HSPBAP1: variants seen among roughly 807,000 people sequenced by gnomAD.
HSPBAP1 encodes HSPB1-associated protein 1.
In HSPBAP1, 27 loss-of-function variants were observed where a neutral mutation model predicts 45.2. That is an observed-to-expected ratio of 0.60 (90% CI 0.44 to 0.82). The LOEUF (loss-of-function observed/expected upper bound fraction) is 0.82. Ranked by LOEUF, HSPBAP1 falls within the 40% of genes least tolerant of loss-of-function variation. The pLI is 0.00. For synonymous variants in HSPBAP1, 204 were observed against 202.7 expected (o/e 1.01, Z -0.06); for missense variants, 510 against 590.9 (o/e 0.86, Z 1.42).
At chr3:122,747,572 G>T (rs1364059541) in intron 6 of HSPBAP1, among the ~76,000 whole-genome samples, 155 of 127,326 alleles carry the variant, frequency 1.2e-3, no homozygotes, top group Non-Finnish European at 1.5e-3. Flanking sequence ...CGCCCCGTCC[G>T]GGAGGGAGGT....
At chr3:122,782,430 G>A (rs1560165700) in intron 1 of HSPBAP1, among the ~76,000 whole-genome samples, 1 of 152,020 alleles carries the variant, frequency 6.6e-6, no homozygotes, top group Non-Finnish European at 1.5e-5. Context: ...ATTAACCTTG[G>A]ATAGGATAGT....
Position 122,741,003 on chromosome 3 carries a change from C to T in HSPBAP1, c.936G>A (p.Glu312=). The T allele has an allele frequency of 1.2e-6, 2 of 1,613,334 alleles. No homozygotes were observed. The highest frequency in any genetic ancestry group is 1.7e-6 in the Non-Finnish European group (2 of 1,179,236). ...QNTRAWLNPT[E]VEETSHAVNC... Reference sequence around the variant, plus strand: ...ATGATGAAGACCAGAAGCCGCCTACCTCAGTGGGGTTTAACCAGGCTCTGG... The same window carrying T: ...ATGATGAAGACCAGAAGCCGCCTACTTCAGTGGGGTTTAACCAGGCTCTGG... Residue 312 remains glutamate (E), a splice_region_variant and synonymous_variant, in exon 7 of 8, where the codon GAG becomes GAA. Transcript: ENST00000306103.
In HSPBAP1 at chr3:122,740,773, G is replaced by A. The variant is rs763037747; in HGVS notation, c.1039C>T (p.Leu347=). 16 of 1,614,068 alleles carry A rather than the reference G, an allele frequency of 9.9e-6. 1 individual carries two copies. The South Asian group carries it at 1.6e-4, about 17-fold the overall frequency. ...RTSEVVEIQA[L]RTDGEHMKKE... ...TTCATGTGCTCTCCATCTGTTCTCA[G>A]TGCTTGGATTTCTACTACCTCAGAT... Residue 347 remains leucine, a synonymous_variant, in exon 8 of 8, where the codon CTG becomes TTG. Coordinates refer to ENST00000306103, the MANE Select transcript of HSPBAP1 (RefSeq NM_024610.6).
intron 1 of HSPBAP1, among the ~76,000 whole-genome samples, chr3:122,780,499 G>C (rs1935401913): frequency 7.5e-6 from 1 of 133,138 alleles, no homozygotes; most frequent in Non-Finnish European, 1.6e-5. Context: ...CAGCTGGCCG[G>C]GCGGGGGCTG....
At chr3:122,746,804 C>G (rs1011557553) in intron 6 of HSPBAP1, among the ~76,000 whole-genome samples, 1 of 152,134 alleles carries the variant, frequency 6.6e-6, no homozygotes, top group Non-Finnish European at 1.5e-5. Flanking sequence ...AGGCGCGCGC[C>G]GCCACGCCTG....
intron 1 of HSPBAP1, among the ~76,000 whole-genome samples, chr3:122,790,007 C>T (rs757825896): frequency 2.6e-4 from 39 of 151,994 alleles, no homozygotes; most frequent in Non-Finnish European, 5.3e-4. Flanking sequence ...GAACTACAAG[C>T]GTGTGCCACC....
chr3:122,792,799 A>T (rs748178937), intron 1 of HSPBAP1, among the ~76,000 whole-genome samples: 1 of 151,484 alleles, frequency 6.6e-6, no homozygotes, highest in Non-Finnish European at 1.5e-5. Context: ...TGAACCTGGG[A>T]GGTGGAGGTT....
At chr3:122,763,086 C>T (rs755372372) in intron 3 of HSPBAP1, among the ~76,000 whole-genome samples, 1 of 152,100 alleles carries the variant, frequency 6.6e-6, no homozygotes, top group Non-Finnish European at 1.5e-5. Context: ...GGTGAAGTGA[C>T]CTTTTATTGT....
At chr3:122,786,597 G>A (rs1576278356) in intron 1 of HSPBAP1, 1 of 152,160 alleles carries the variant, frequency 6.6e-6, no homozygotes, top group Non-Finnish European at 1.5e-5. Flanking sequence ...TTTAAAAAAT[G>A]TAATTATCTG....
At chr3:122,759,458 G>T in intron 3 of HSPBAP1, 98 bp from the exon 4 acceptor site, 1 of 1,268,392 alleles carries the variant, frequency 7.9e-7, no homozygotes, top group Non-Finnish European at 1.1e-6. Flanking sequence ...TTTAGCAGTT[G>T]GAATATTCTA....
At chr3:122,773,952 A>G (rs1935098816) in intron 2 of HSPBAP1, among the ~76,000 whole-genome samples, 1 of 152,244 alleles carries the variant, frequency 6.6e-6, no homozygotes, top group Non-Finnish European at 1.5e-5. Flanking sequence ...AAGATCTTTA[A>G]GATAAATTTC....
At chr3:122,779,190 C>T (rs1383627518) in intron 1 of HSPBAP1, among the ~76,000 whole-genome samples, 3 of 151,836 alleles carry the variant, frequency 2.0e-5, no homozygotes, top group African/African-American at 4.8e-5. Context: ...TACAGGCACC[C>T]GCCACCTCGC....
chr3:122,787,488 G>A (rs1311394073), intron 1 of HSPBAP1, among the ~76,000 whole-genome samples: 1 of 152,090 alleles, frequency 6.6e-6, no homozygotes, highest in Non-Finnish European at 1.5e-5. Context: ...AAATTAACTT[G>A]TCTCTCATCA....
intron 6 of HSPBAP1, among the ~76,000 whole-genome samples, chr3:122,750,224 C>T (rs530446759): frequency 5.3e-5 from 8 of 152,138 alleles, no homozygotes; most frequent in Non-Finnish European, 8.8e-5. Context: ...CCACCCACCT[C>T]GGCCTCCCAA....
At chr3:122,786,895 C>A (rs1402175102) in intron 1 of HSPBAP1, among the ~76,000 whole-genome samples, 2 of 152,044 alleles carry the variant, frequency 1.3e-5, no homozygotes, top group Non-Finnish European at 2.9e-5. Context: ...ATAAACTGGG[C>A]CATTAAATTA....
chr3:122,790,195 C>T (rs1560175088), intron 1 of HSPBAP1, among the ~76,000 whole-genome samples: 1 of 152,110 alleles, frequency 6.6e-6, no homozygotes, highest in Non-Finnish European at 1.5e-5. Context: ...GTACCTTTCT[C>T]TACTTCCTTA....
chr3:122,777,822 AC>A lies in HSPBAP1; in HGVS notation c.148del (p.Val50CysfsTer29), dbSNP rs1430031064. ...CCAGTGTCGTGCTGGCCAATCAAAC[AC>A]CATGTTACAGAAGATTGCAGGTTGT... ...LQQPAIFCNM[V>X]FDWPARHWNA... On this transcript the variant is annotated frameshift_variant, in exon 2 of 8. Transcript: ENST00000306103. LOFTEE classifies it high-confidence loss of function. The A allele has an allele frequency of 6.2e-7, 1 of 1,613,690 alleles. No homozygotes were observed. Among genetic ancestry groups the A allele is most frequent in the Non-Finnish European group, 8.5e-7 (1 of 1,179,738 alleles).
At chr3:122,755,972 C>A (rs1287836051) in intron 4 of HSPBAP1, among the ~76,000 whole-genome samples, 2 of 152,006 alleles carry the variant, frequency 1.3e-5, no homozygotes. Flanking sequence ...ATAAATAAAG[C>A]AGTATAATAT....
intron 6 of HSPBAP1, among the ~76,000 whole-genome samples, chr3:122,742,150 T>C (rs1933692930): frequency 7.0e-6 from 1 of 143,198 alleles, no homozygotes; most frequent in Non-Finnish European, 1.5e-5. Flanking sequence ...TAAATTATTA[T>C]AAATATAATA....
Sources: gnomAD v4.1 joint callset for allele counts (sites outside exome capture counted in the v4.1 genomes callset) on GRCh38, gnomAD v4.1.1 for gene constraint, MANE v1.5 for transcripts, NCBI Gene and HGNC (gene_info 2026-07-23, HGNC 2026-07-21) for gene names.